The following LY6S variants were observed in gnomAD, a reference collection of about 807,000 sequenced individuals.
LY6S encodes lymphocyte antigen 6 family member S, also known as lymphocyte antigen 6S.
chr8:143,041,644 T>G, the LY6S span, among the ~76,000 whole-genome samples: 1 of 152,126 alleles, frequency 6.6e-6, no homozygotes, highest in East Asian at 1.9e-4. Context: ...GGGGAAGTGA[T>G]AAGTGTCCAT....
chr8:143,049,729 C>T, the LY6S span, among the ~76,000 whole-genome samples: 1 of 152,200 alleles, frequency 6.6e-6, no homozygotes, highest in Non-Finnish European at 1.5e-5. Context: ...TCCTCCTTTG[C>T]AGGTACAATA....
the LY6S span, chr8:143,057,399 G>A: frequency 1.3e-4 from 55 of 437,716 alleles, 1 homozygote; most frequent in South Asian, 1.0e-3. Context: ...ACAGGCGCCT[G>A]CCACCATGCC....
chr8:143,041,647 G>A, the LY6S span, among the ~76,000 whole-genome samples: 1 of 152,152 alleles, frequency 6.6e-6, no homozygotes, highest in African/African-American at 2.4e-5. Context: ...GAAGTGATAA[G>A]TGTCCATGAA....
chr8:143,063,418 T>A, the LY6S span, among the ~76,000 whole-genome samples: 1 of 152,228 alleles, frequency 6.6e-6, no homozygotes, highest in Non-Finnish European at 1.5e-5. Context: ...TTACTCCAAG[T>A]GCCCTGAGTA....
chr8:143,049,972 C>T, the LY6S span, among the ~76,000 whole-genome samples: 5 of 152,138 alleles, frequency 3.3e-5, no homozygotes, highest in Admixed American at 2.0e-4. Context: ...GGAGTCCTCC[C>T]GAAACTGGGA....
chr8:143,044,860 G>A, the LY6S span: 3 of 1,309,392 alleles, frequency 2.3e-6, no homozygotes, highest in South Asian at 1.2e-5. Context: ...CCAATGCCCT[G>A]GTGAGAGTCC....
At chr8:143,066,593 A>G in the LY6S span, 1 of 279,488 alleles carries the variant, frequency 3.6e-6, no homozygotes. Flanking sequence ...GTCATCTTGG[A>G]GGCATAGACC....
At chr8:143,060,958 T>C in the LY6S span, among the ~76,000 whole-genome samples, 1 of 149,664 alleles carries the variant, frequency 6.7e-6, no homozygotes, top group East Asian at 2.0e-4. Flanking sequence ...TCCAAAAGAA[T>C]ACCGTAAAGG....
the LY6S span, among the ~76,000 whole-genome samples, chr8:143,066,907 A>G: frequency 1.3e-5 from 2 of 152,132 alleles, no homozygotes; most frequent in African/African-American, 4.8e-5. Flanking sequence ...TATGGTTTAG[A>G]TGTCTATCTC....
the LY6S span, among the ~76,000 whole-genome samples, chr8:143,062,161 T>G: frequency 1.3e-5 from 2 of 152,238 alleles, no homozygotes; most frequent in African/African-American, 4.8e-5. Context: ...TATTTGCATA[T>G]GGGGAGAAAC....
the LY6S span, chr8:143,057,946 C>A: frequency 1.8e-6 from 1 of 553,708 alleles, no homozygotes; most frequent in South Asian, 2.2e-5. Flanking sequence ...TCAGCGTCGT[C>A]TCTGTCTGAC....
At chr8:143,056,881 G>A in the LY6S span, among the ~76,000 whole-genome samples, 1 of 152,168 alleles carries the variant, frequency 6.6e-6, no homozygotes, top group African/African-American at 2.4e-5. Flanking sequence ...TTCAAAGGAT[G>A]AATCTTAGTA....
At chr8:143,057,672 TGGCGGGATGAA>T in the LY6S span, 1 of 878,904 alleles carries the variant, frequency 1.1e-6, no homozygotes, top group South Asian at 1.3e-5. Flanking sequence ...ACTCAGCCGC[TGGCGGGATGAA>T]TCCAGCAAGC....
At chr8:143,046,013 C>G in the LY6S span, among the ~76,000 whole-genome samples, 1 of 152,120 alleles carries the variant, frequency 6.6e-6, no homozygotes, top group Non-Finnish European at 1.5e-5. Flanking sequence ...ACCACCACAC[C>G]CAGTTAATTT....
chr8:143,043,127 C>T, the LY6S span: 2 of 1,366,718 alleles, frequency 1.5e-6, no homozygotes, highest in Non-Finnish European at 2.0e-6. Flanking sequence ...GCCCTCACAG[C>T]AGGGCCCAGA....
At chr8:143,047,932 A>G in the LY6S span, 1 of 152,236 alleles carries the variant, frequency 6.6e-6, no homozygotes, top group Non-Finnish European at 1.5e-5. Context: ...TCTCTTCTGC[A>G]TCAAACTTTC....
chr8:143,067,149 A>C, the LY6S span, among the ~76,000 whole-genome samples: 1 of 152,188 alleles, frequency 6.6e-6, no homozygotes. Context: ...CACTCTTGTT[A>C]TGTGAGATAC....
the LY6S span, among the ~76,000 whole-genome samples, chr8:143,056,007 A>T: frequency 6.6e-6 from 1 of 151,682 alleles, no homozygotes; most frequent in East Asian, 1.9e-4. Context: ...TTATTGGCAC[A>T]CCTGTTTACT....
At chr8:143,047,980 C>G in the LY6S span, 1 of 152,272 alleles carries the variant, frequency 6.6e-6, no homozygotes, top group African/African-American at 2.4e-5. Flanking sequence ...TTGCTCTGTG[C>G]TGCATCTCCT....
Sources: gnomAD v4.1 joint callset for allele counts (sites outside exome capture counted in the v4.1 genomes callset) on GRCh38, gnomAD v4.1.1 for gene constraint, MANE v1.5 for transcripts, NCBI Gene and HGNC (gene_info 2026-07-23, HGNC 2026-07-21) for gene names.